ERBB4: variants seen among roughly 807,000 people sequenced by gnomAD.
ERBB4 encodes receptor tyrosine-protein kinase erbB-4.
ERBB4 carries 42 observed loss-of-function variants against 158.0 expected under a neutral mutation model. The ratio of observed to expected loss-of-function variants is 0.27; its 90% CI spans 0.21 to 0.34. ERBB4 has a LOEUF of 0.34. Among genes scored for constraint, ERBB4 ranks in the 10% least tolerant of loss-of-function variants. The pLI is 1.00. For synonymous variants in ERBB4, 583 were observed against 558.7 expected, an observed-to-expected ratio of 1.04 and a Z score of -0.61; for missense variants, 1,333 against 1,624.1, an observed-to-expected ratio of 0.82 and a Z score of 3.08.
intron 25 of ERBB4, among the ~76,000 whole-genome samples, chr2:211,407,768 C>A (rs917811160): frequency 2.0e-5 from 3 of 152,160 alleles, no homozygotes; most frequent in African/African-American, 4.8e-5. Flanking sequence ...TGTCAGAATT[C>A]TGAACTGAAA....
intron 1 of ERBB4, among the ~76,000 whole-genome samples, chr2:212,383,403 T>C (rs2090573472): frequency 6.6e-6 from 1 of 151,472 alleles, no homozygotes; most frequent in African/African-American, 2.4e-5. Context: ...TTTCCACTTA[T>C]CCGAAAGAAA....
chr2:212,282,404 C>A (rs1437229718), intron 1 of ERBB4, among the ~76,000 whole-genome samples: 1 of 151,868 alleles, frequency 6.6e-6, no homozygotes, highest in East Asian at 1.9e-4. Flanking sequence ...AAAAATATTT[C>A]TCTTTATCAC....
chr2:211,811,567 C>A (rs915007164), intron 3 of ERBB4, among the ~76,000 whole-genome samples: 2 of 152,152 alleles, frequency 1.3e-5, no homozygotes, highest in African/African-American at 4.8e-5. Context: ...GCCTGCCTTG[C>A]TAGGTTGGGG....
chr2:212,218,830 T>C (rs561657636), intron 1 of ERBB4, among the ~76,000 whole-genome samples: 19 of 151,408 alleles, frequency 1.3e-4, no homozygotes, highest in Admixed American at 7.9e-4. Context: ...AATTTACACA[T>C]AATATATAGA....
chr2:212,214,189 A>C (rs557769812), intron 1 of ERBB4, among the ~76,000 whole-genome samples: 29 of 151,986 alleles, frequency 1.9e-4, no homozygotes, highest in African/African-American at 7.0e-4. Flanking sequence ...AAAGCTACTT[A>C]ATAGAATGAT....
chr2:211,793,959 G>A (rs1205187635), intron 3 of ERBB4, among the ~76,000 whole-genome samples: 1 of 151,856 alleles, frequency 6.6e-6, no homozygotes, highest in South Asian at 2.1e-4. Flanking sequence ...TTGGGAGCGG[G>A]TAGAGGGTGA....
rs2081650750 is a variant in ERBB4 at position 212,175,942 on chromosome 2, CAA to C, written c.83-51041_83-51040del. 3.9e-5 allele frequency among the ~76,000 whole-genome samples: 6 copies of C among 151,952 alleles called. No individual in the cohort carries two copies. The South Asian group carries it at 1.2e-3, about 31-fold the overall frequency. On this transcript the variant is annotated intron_variant, in intron 1 of 27. Transcript: ENST00000342788. ...CTAAGACCAATTGCAAGTCAAAACA[CAA>C]AGTTTCCTCATCACCAGTTCTTATC...
At chr2:211,724,118 G>A (rs1475258613) in intron 6 of ERBB4, among the ~76,000 whole-genome samples, 1 of 152,176 alleles carries the variant, frequency 6.6e-6, no homozygotes, top group African/African-American at 2.4e-5. Context: ...ATGAAAGACA[G>A]AGGAAGGTTC....
chr2:211,443,458 G>T (rs1559173921), intron 20 of ERBB4, among the ~76,000 whole-genome samples: 1 of 152,048 alleles, frequency 6.6e-6, no homozygotes, highest in Non-Finnish European at 1.5e-5. Context: ...GGAAATTAGG[G>T]TATTGCTCAT....
At chr2:212,096,498 G>T (rs183434741) in intron 2 of ERBB4, among the ~76,000 whole-genome samples, 5 of 152,174 alleles carry the variant, frequency 3.3e-5, no homozygotes, top group Non-Finnish European at 7.4e-5. Flanking sequence ...AAAGTTTAAA[G>T]GACCGTTTTG....
rs546087275 is a variant in ERBB4, at chr2:212,286,031, T to C, written c.83-161128A>G. Among the ~76,000 whole-genome samples the C allele has an allele frequency of 2.6e-5, 4 of 152,272 alleles. No individual in the cohort carries two copies. The South Asian group carries it at 6.2e-4, about 24-fold the overall frequency. On this transcript the variant is annotated intron_variant, in intron 1 of 27. Transcript: ENST00000342788. ...TAAGGACATTTATTCGACACAGATA[T>C]AGTCAAATGTCATAATGGGCAACAT...
chr2:212,079,138 T>A (rs564885795), intron 2 of ERBB4, among the ~76,000 whole-genome samples: 1 of 151,464 alleles, frequency 6.6e-6, no homozygotes, highest in African/African-American at 2.4e-5. Flanking sequence ...TATATATATG[T>A]ATCAGATATA....
At chr2:212,058,145 G>A (rs1190816328) in intron 2 of ERBB4, among the ~76,000 whole-genome samples, 1 of 152,172 alleles carries the variant, frequency 6.6e-6, no homozygotes, top group South Asian at 2.1e-4. Flanking sequence ...ACTACCATCA[G>A]AGAATACTAT....
chr2:211,846,165 G>A (rs2077583916), intron 3 of ERBB4, among the ~76,000 whole-genome samples: 1 of 151,352 alleles, frequency 6.6e-6, no homozygotes, highest in South Asian at 2.1e-4. Flanking sequence ...ATCACTCACT[G>A]TAACAGATGA....
intron 1 of ERBB4, among the ~76,000 whole-genome samples, chr2:212,178,869 G>A (rs971742608): frequency 6.6e-6 from 1 of 151,488 alleles, no homozygotes; most frequent in African/African-American, 2.4e-5. Flanking sequence ...AAAAATTATA[G>A]TCTAGATAAA....
chr2:212,222,536 T>A (rs1304384226), intron 1 of ERBB4, among the ~76,000 whole-genome samples: 2 of 151,490 alleles, frequency 1.3e-5, no homozygotes, highest in African/African-American at 2.4e-5. Flanking sequence ...CTACTTAACT[T>A]TTTTAAAGCA....
Position 212,314,026 on chromosome 2 carries a change from T to G in ERBB4, c.83-189123A>C, listed in dbSNP as rs138341130. ...CTAGCCAAACAGTGAAAAATATAGT[T>G]AAATCAGTTATAAGACCAGAGGTCT... On this transcript the variant is annotated intron_variant, in intron 1 of 27. Transcript: ENST00000342788. 3.2e-3 allele frequency among the ~76,000 whole-genome samples: 484 copies of G among 151,162 alleles called. 6 individuals carry two copies. Among genetic ancestry groups the G allele is most frequent in the African/African-American group, 0.011 (452 of 41,418 alleles).
At chr2:212,308,439 T>C (rs2086896633) in intron 1 of ERBB4, among the ~76,000 whole-genome samples, 14 of 151,082 alleles carry the variant, frequency 9.3e-5, no homozygotes, top group Admixed American at 9.3e-4. Context: ...GCATTTTCTC[T>C]ATGAAACGTC....
At chr2:212,496,236 C>T (rs79664121) in intron 1 of ERBB4, among the ~76,000 whole-genome samples, 3,297 of 150,662 alleles carry the variant, frequency 0.022, 97 homozygotes, top group South Asian at 0.082. Context: ...AAGAATCAGT[C>T]TAAATATGGA....
Sources: allele counts gnomAD v4.1 joint callset (sites outside exome capture counted in the v4.1 genomes callset), GRCh38; gene constraint gnomAD v4.1.1; transcripts MANE v1.5; gene names NCBI Gene and HGNC (gene_info 2026-07-23, HGNC 2026-07-21).